The following SH3PXD2A variants were observed in gnomAD, a reference collection of about 807,000 sequenced individuals.
The protein encoded by SH3PXD2A is SH3 and PX domains 2A.
SH3PXD2A carries 32 observed loss-of-function variants against 115.2 expected under a neutral mutation model. The ratio of observed to expected loss-of-function variants is 0.28; its 90% CI spans 0.21 to 0.37. The LOEUF is 0.37. Among genes scored for constraint, SH3PXD2A ranks in the 10% least tolerant of loss-of-function variants. The pLI is 1.00. For synonymous variants in SH3PXD2A, 610 were observed against 629.1 expected (o/e 0.97, Z 0.45); for missense variants, 1,328 against 1,498.7 (o/e 0.89, Z 1.88).
rs747998608 is a variant in SH3PXD2A, at chr10:103,602,087, G to A, written c.3131C>T (p.Pro1044Leu). 2.5e-6 allele frequency: 4 copies of A among 1,599,550 alleles called. No homozygotes were observed. The highest frequency in any genetic ancestry group is 1.7e-5 in the Admixed American group (1 of 59,288). The change falls in exon 15 of 15, where the codon CCC becomes CTC. Residue 1044 changes from proline (P) to leucine (L), a missense_variant. Coordinates refer to ENST00000369774, the MANE Select transcript of SH3PXD2A (RefSeq NM_001394015.1). ...GCTGTTGCGCTGGGCGGGCAGTAGG[G>A]GTGAGTCTGAACCCTGGCTGGCAGC... ...ERAASQGSDS[P>L]LLPAQRNSIP...
intron 10 of SH3PXD2A, among the ~76,000 whole-genome samples, chr10:103,622,061 A>G (rs1304319048): frequency 6.6e-6 from 1 of 152,198 alleles, no homozygotes. Flanking sequence ...GCATTTTCTC[A>G]GAGGACAGGG....
intron 1 of SH3PXD2A, among the ~76,000 whole-genome samples, chr10:103,806,894 T>C (rs2039208198): frequency 3.9e-5 from 6 of 152,100 alleles, no homozygotes; most frequent in Admixed American, 3.9e-4. Flanking sequence ...AGGAGTGGAA[T>C]CATCACCACA....
intron 5 of SH3PXD2A, among the ~76,000 whole-genome samples, chr10:103,711,384 C>A (rs976786008): frequency 1.4e-4 from 21 of 152,180 alleles, no homozygotes; most frequent in African/African-American, 4.6e-4. Context: ...GGCCTTCCCA[C>A]TGACCTGGGG....
At chr10:103,636,806 G>C (rs11191753) in intron 8 of SH3PXD2A, among the ~76,000 whole-genome samples, 22,343 of 152,086 alleles carry the variant, frequency 0.15, 2,173 homozygotes, top group African/African-American at 0.25. Context: ...TCGTCCTCCC[G>C]CTCTGACTCC....
At chr10:103,785,716 A>G (rs963499692) in intron 2 of SH3PXD2A, among the ~76,000 whole-genome samples, 1 of 152,044 alleles carries the variant, frequency 6.6e-6, no homozygotes, top group African/African-American at 2.4e-5. Flanking sequence ...GAGGAGGGGA[A>G]GCAGGTTTCC....
At position 103,597,411 on chromosome 10, in the gene SH3PXD2A, C is replaced by T. The variant is rs193251098; in HGVS notation, c.*4405G>A. 1 of 152,276 alleles carries T rather than the reference C, an allele frequency of 6.6e-6. No homozygotes were observed. The highest frequency in any genetic ancestry group is 1.5e-5 in the Non-Finnish European group (1 of 68,076). The allele number at this position is 152,276 out of a possible 1,614,324, so 9.4% of individuals were successfully genotyped here. A position where few individuals can be genotyped will look rare whatever the true frequency, so the allele number is the denominator to read the frequency against. On this transcript the variant is annotated 3_prime_UTR_variant, in exon 15 of 15. Transcript: ENST00000369774. ...GGGGTGAGAGAGGGCTGCTGGGAGT[C>T]ATTTTTAGGCCAGGTCTCTCTGAGC...
chr10:103,848,835 A>G (rs371751944), intron 1 of SH3PXD2A, among the ~76,000 whole-genome samples: 2 of 151,982 alleles, frequency 1.3e-5, no homozygotes, highest in South Asian at 4.1e-4. Context: ...GAAAGCAAAT[A>G]CTTATGCTGA....
At position 103,617,192 on chromosome 10, in the gene SH3PXD2A, C is replaced by A. The variant is rs748594638; in HGVS notation, c.920+5G>T. On this transcript the variant is annotated splice_donor_5th_base_variant and intron_variant, in intron 11 of 14. Coordinates refer to ENST00000369774, the MANE Select transcript of SH3PXD2A (RefSeq NM_001394015.1). Reference sequence around the variant, plus strand: ...CATCTCGTTCATAATGTAAGGGTTCCCTACCTGATATACCACCAGCCTTCC... The same window carrying A: ...CATCTCGTTCATAATGTAAGGGTTCACTACCTGATATACCACCAGCCTTCC... 8.7e-6 allele frequency: 14 copies of A among 1,604,596 alleles called. No individual in the cohort carries two copies. In the South Asian group the frequency reaches 1.2e-4, roughly 14 times the overall value.
intron 6 of SH3PXD2A, among the ~76,000 whole-genome samples, chr10:103,685,581 C>T (rs1203406105): frequency 7.2e-5 from 11 of 152,286 alleles, no homozygotes; most frequent in Admixed American, 5.9e-4. Flanking sequence ...CGAACCCCTC[C>T]GGTGCTGCCT....
intron 1 of SH3PXD2A, among the ~76,000 whole-genome samples, chr10:103,810,769 C>G (rs2039258059): frequency 6.6e-6 from 1 of 152,004 alleles, no homozygotes; most frequent in Non-Finnish European, 1.5e-5. Flanking sequence ...GATCATGAGG[C>G]TATGACTAGA....
chr10:103,664,760 A>G (rs1044792551), intron 7 of SH3PXD2A, among the ~76,000 whole-genome samples: 2 of 147,814 alleles, frequency 1.4e-5, no homozygotes, highest in Non-Finnish European at 1.5e-5. Flanking sequence ...TCCGCCCCCC[A>G]GGTTCAAGCA....
At chr10:103,766,830 C>G (rs1319615637) in intron 3 of SH3PXD2A, among the ~76,000 whole-genome samples, 2 of 152,160 alleles carry the variant, frequency 1.3e-5, no homozygotes, top group Non-Finnish European at 2.9e-5. Context: ...GAAAAGGAAA[C>G]CAAAGTCCAG....
chr10:103,785,351 C>T (rs2038970656), intron 2 of SH3PXD2A, among the ~76,000 whole-genome samples: 1 of 152,256 alleles, frequency 6.6e-6, no homozygotes, highest in African/African-American at 2.4e-5. Flanking sequence ...ACCCGGGGAC[C>T]CTCTGTCCAG....
chr10:103,633,676 C>A (rs934863019), intron 8 of SH3PXD2A, among the ~76,000 whole-genome samples: 1 of 127,752 alleles, frequency 7.8e-6, no homozygotes, highest in Non-Finnish European at 1.5e-5. Context: ...TTCAGTGAGC[C>A]GAGATCATGC....
At chr10:103,660,730 G>A (rs988378817) in intron 8 of SH3PXD2A, among the ~76,000 whole-genome samples, 2 of 152,206 alleles carry the variant, frequency 1.3e-5, no homozygotes, top group Non-Finnish European at 2.9e-5. Context: ...TTATTCCCGC[G>A]CTGTGCCTGA....
At chr10:103,786,690 T>C (rs1255896112) in intron 2 of SH3PXD2A, among the ~76,000 whole-genome samples, 4 of 151,866 alleles carry the variant, frequency 2.6e-5, no homozygotes, top group Non-Finnish European at 5.9e-5. Flanking sequence ...AAAAATAAAT[T>C]TTGAAAAATG....
intron 5 of SH3PXD2A, among the ~76,000 whole-genome samples, chr10:103,722,020 T>C (rs965871257): frequency 6.6e-6 from 1 of 152,188 alleles, no homozygotes; most frequent in South Asian, 2.1e-4. Context: ...ATACAAGCCC[T>C]GGCCGGGCGC....
chr10:103,710,829 A>G (rs1428997016), intron 5 of SH3PXD2A, among the ~76,000 whole-genome samples: 2 of 152,136 alleles, frequency 1.3e-5, no homozygotes, highest in African/African-American at 4.8e-5. Flanking sequence ...TGAGTCCAGG[A>G]GTTCAAGACC....
At chr10:103,751,035 A>C (rs536536432) in intron 3 of SH3PXD2A, among the ~76,000 whole-genome samples, 3 of 152,342 alleles carry the variant, frequency 2.0e-5, no homozygotes, top group African/African-American at 4.8e-5. Flanking sequence ...AGCTCCAGGC[A>C]TTTCCCCCAG....
Sources: allele counts gnomAD v4.1 joint callset (sites outside exome capture counted in the v4.1 genomes callset), GRCh38; gene constraint gnomAD v4.1.1; transcripts MANE v1.5; gene names NCBI Gene and HGNC (gene_info 2026-07-23, HGNC 2026-07-21).